The following KHDRBS2 variants were observed in gnomAD, a reference collection of about 807,000 sequenced individuals.
KHDRBS2 encodes the protein KH RNA binding domain containing, signal transduction associated 2, also known as KH domain-containing, RNA-binding, signal transduction-associated protein 2.
In KHDRBS2, 26 loss-of-function variants were observed where a neutral mutation model predicts 44.3. That is an observed-to-expected ratio of 0.59 (90% CI 0.43 to 0.81). The LOEUF is 0.81. Among genes scored for constraint, KHDRBS2 ranks in the 40% least tolerant of loss-of-function variants. The pLI is 0.00. For synonymous variants in KHDRBS2, 194 were observed against 151.1 expected, an observed-to-expected ratio of 1.28 and a Z score of -2.08; for missense variants, 476 against 433.1, an observed-to-expected ratio of 1.10 and a Z score of -0.88.
intron 6 of KHDRBS2, among the ~76,000 whole-genome samples, chr6:61,758,335 A>G (rs1778810639): frequency 6.6e-6 from 1 of 151,990 alleles, no homozygotes; most frequent in African/African-American, 2.4e-5. Flanking sequence ...TGTTAACTAC[A>G]TATGACCAAA....
chr6:61,772,462 A>G (rs527702947), intron 6 of KHDRBS2, among the ~76,000 whole-genome samples: 1 of 152,164 alleles, frequency 6.6e-6, no homozygotes, highest in Non-Finnish European at 1.5e-5. Flanking sequence ...TAGACACAAT[A>G]AAAAATGACA....
At chr6:62,227,340 T>C (rs1440221175) in intron 1 of KHDRBS2, among the ~76,000 whole-genome samples, 3 of 152,194 alleles carry the variant, frequency 2.0e-5, no homozygotes, top group African/African-American at 4.8e-5. Context: ...TGTTGGTATA[T>C]AGGAATGCTT....
intron 1 of KHDRBS2, among the ~76,000 whole-genome samples, chr6:62,277,503 G>A (rs1841136249): frequency 6.6e-6 from 1 of 151,966 alleles, no homozygotes; most frequent in African/African-American, 2.4e-5. Context: ...CACCACGCCT[G>A]GCTAATTTTT....
chr6:62,217,097 G>T (rs1830138037), intron 1 of KHDRBS2, among the ~76,000 whole-genome samples: 1 of 149,820 alleles, frequency 6.7e-6, no homozygotes, highest in Admixed American at 6.7e-5. Context: ...CAACATCTGT[G>T]TTACATTATT....
chr6:61,730,073 T>C (rs1774200616), intron 7 of KHDRBS2, among the ~76,000 whole-genome samples: 1 of 152,118 alleles, frequency 6.6e-6, no homozygotes, highest in South Asian at 2.1e-4. Flanking sequence ...TTTTTCACAG[T>C]TTTCTGAAAA....
chr6:61,733,512 C>T (rs998989352), intron 6 of KHDRBS2, among the ~76,000 whole-genome samples: 2 of 151,652 alleles, frequency 1.3e-5, no homozygotes, highest in African/African-American at 4.8e-5. Flanking sequence ...GGGGGAATCA[C>T]TTGAACCTGG....
At chr6:62,217,368 T>C (rs1830191010) in intron 1 of KHDRBS2, among the ~76,000 whole-genome samples, 1 of 151,870 alleles carries the variant, frequency 6.6e-6, no homozygotes, top group Non-Finnish European at 1.5e-5. Flanking sequence ...GTCATGTAAT[T>C]GATTGTTCTC....
At chr6:61,614,989 G>A in the KHDRBS2 span, among the ~76,000 whole-genome samples, 6 of 151,800 alleles carry the variant, frequency 4.0e-5, no homozygotes, top group Admixed American at 6.6e-5. Context: ...ATCCCAGCAC[G>A]TTGGGAGACT....
chr6:61,689,525 T>C (rs927735712), intron 8 of KHDRBS2, among the ~76,000 whole-genome samples: 27 of 152,020 alleles, frequency 1.8e-4, no homozygotes, highest in African/African-American at 6.5e-4. Flanking sequence ...CTTTGTCTCT[T>C]TGCTTGCTCT....
At chr6:62,006,109 T>C (rs73758612) in intron 3 of KHDRBS2, among the ~76,000 whole-genome samples, 3,734 of 152,056 alleles carry the variant, frequency 0.025, 156 homozygotes, top group African/African-American at 0.082. Context: ...AGAATCAGAA[T>C]AAATCTCGTG....
chr6:61,666,722 G>A, the KHDRBS2 span, among the ~76,000 whole-genome samples: 1 of 151,312 alleles, frequency 6.6e-6, no homozygotes, highest in African/African-American at 2.4e-5. Context: ...ATATAATACA[G>A]CAAATTAATT....
intron 2 of KHDRBS2, among the ~76,000 whole-genome samples, chr6:62,082,914 T>C (rs1333519279): frequency 1.3e-5 from 2 of 152,152 alleles, no homozygotes; most frequent in African/African-American, 4.8e-5. Flanking sequence ...GGAATCCACT[T>C]ATTAATTCCT....
At chr6:62,179,553 A>G (rs1376632977) in intron 1 of KHDRBS2, among the ~76,000 whole-genome samples, 1 of 151,758 alleles carries the variant, frequency 6.6e-6, no homozygotes, top group African/African-American at 2.4e-5. Flanking sequence ...GGGTGTATAC[A>G]CCTACATAAT....
chr6:62,237,581 G>A (rs1232231183), intron 1 of KHDRBS2, among the ~76,000 whole-genome samples: 4 of 152,106 alleles, frequency 2.6e-5, no homozygotes, highest in African/African-American at 4.8e-5. Flanking sequence ...TAGGTGTTTT[G>A]CCTAAGAATA....
At chr6:62,106,835 C>A (rs1803488952) in intron 2 of KHDRBS2, among the ~76,000 whole-genome samples, 1 of 151,940 alleles carries the variant, frequency 6.6e-6, no homozygotes, top group Non-Finnish European at 1.5e-5. Flanking sequence ...GAACCAAAGA[C>A]AAAAACCACA....
intron 4 of KHDRBS2, among the ~76,000 whole-genome samples, chr6:61,903,850 C>T (rs1285920525): frequency 6.6e-6 from 1 of 152,148 alleles, no homozygotes; most frequent in African/African-American, 2.4e-5. Flanking sequence ...GTCATCCCTG[C>T]TCTCCCTGCC....
chr6:61,805,229 G>T (rs2127590862), intron 6 of KHDRBS2, among the ~76,000 whole-genome samples: 1 of 152,184 alleles, frequency 6.6e-6, no homozygotes, highest in South Asian at 2.1e-4. Flanking sequence ...TTAGGGCAGG[G>T]ACAAAATGCC....
At chr6:61,634,395 C>T in the KHDRBS2 span, among the ~76,000 whole-genome samples, 2 of 152,030 alleles carry the variant, frequency 1.3e-5, no homozygotes, top group Non-Finnish European at 2.9e-5. Context: ...TGAACATGCT[C>T]ACAACTCACT....
chr6:62,039,588 G>T (rs1786040079), intron 3 of KHDRBS2, among the ~76,000 whole-genome samples: 2 of 151,882 alleles, frequency 1.3e-5, no homozygotes, highest in South Asian at 4.1e-4. Flanking sequence ...CTTGGTCTAG[G>T]TATTGCACAG....
Sources: allele counts gnomAD v4.1 joint callset (sites outside exome capture counted in the v4.1 genomes callset), GRCh38; gene constraint gnomAD v4.1.1; transcripts MANE v1.5; gene names NCBI Gene and HGNC (gene_info 2026-07-23, HGNC 2026-07-21).